AFAP1L1: variants seen among roughly 807,000 people sequenced by gnomAD.
AFAP1L1 encodes the protein actin filament-associated protein 1-like 1.
In AFAP1L1, 77 loss-of-function variants were observed where a neutral mutation model predicts 99.8. The observed-to-expected ratio is 0.77, with a 90% CI of 0.64 to 0.93. The LOEUF (loss-of-function observed/expected upper bound fraction) is 0.93. AFAP1L1 is among the 40% of genes least tolerant of loss of function. The pLI is 0.00. For synonymous variants in AFAP1L1, 373 were observed against 395.3 expected, an observed-to-expected ratio of 0.94 and a Z score of 0.67; for missense variants, 893 against 996.8, an observed-to-expected ratio of 0.90 and a Z score of 1.40.
intron 11 of AFAP1L1, among the ~76,000 whole-genome samples, chr5:149,317,336 T>C (rs1280032662): frequency 6.6e-6 from 1 of 152,204 alleles, no homozygotes; most frequent in African/African-American, 2.4e-5. Flanking sequence ...ATTTTAAGAT[T>C]ATGTGGGTGA....
At chr5:149,283,273 T>G (rs1581290001) in intron 1 of AFAP1L1, among the ~76,000 whole-genome samples, 1 of 152,328 alleles carries the variant, frequency 6.6e-6, no homozygotes, top group South Asian at 2.1e-4. Context: ...TTGCAGGGCC[T>G]CAGGGCTGCC....
intron 5 of AFAP1L1, among the ~76,000 whole-genome samples, chr5:149,303,737 G>A (rs1009389270): frequency 1.3e-5 from 2 of 152,090 alleles, no homozygotes; most frequent in Non-Finnish European, 2.9e-5. Flanking sequence ...GATATGCAAG[G>A]AACTATTAAC....
At position 149,313,600 on chromosome 5, in the gene AFAP1L1, C is replaced by T. The variant is rs559104444; in HGVS notation, c.1020+1396C>T. Among the ~76,000 whole-genome samples, 19 of 152,154 alleles carry T rather than the reference C, an allele frequency of 1.2e-4. No individual in the cohort carries two copies. The East Asian group carries it at 3.7e-3, about 29-fold the overall frequency. ...TCCTGAGCACCTGCTTGACACATAT[C>T]CGGGGCACCCCAGGAACTGTGCTAG... On this transcript the variant is annotated intron_variant, in intron 9 of 18. Coordinates refer to ENST00000296721, the MANE Select transcript of AFAP1L1 (RefSeq NM_152406.4).
intron 1 of AFAP1L1, among the ~76,000 whole-genome samples, chr5:149,284,057 C>A (rs1353529803): frequency 6.6e-6 from 1 of 152,160 alleles, no homozygotes; most frequent in Non-Finnish European, 1.5e-5. Context: ...AGCCAGGAGC[C>A]CTGTAGAGAT....
At chr5:149,330,250 C>T (rs943706261) in intron 16 of AFAP1L1, among the ~76,000 whole-genome samples, 1 of 152,216 alleles carries the variant, frequency 6.6e-6, no homozygotes, top group African/African-American at 2.4e-5. Flanking sequence ...GACACTTTCC[C>T]AGGATCCTCT....
chr5:149,332,702 A>T lies in AFAP1L1; in HGVS notation c.1983A>T (p.Lys661Asn). Residue 661 changes from lysine to asparagine, a missense_variant, in exon 17 of 19, where the codon AAA (lysine) becomes AAT (asparagine). Transcript: ENST00000296721. ...KEAIRSSPGA[K>N]LKALEEAVAT... The stretch of plus-strand genomic sequence containing the variant: ...CAATGTCTCTTGATTCAGGAGCAAA[A>T]TTAAAGGCTCTGGAAGAAGCCGTGG... 6.2e-7 allele frequency: 1 copy of T among 1,609,454 alleles called. No homozygotes were observed. Among genetic ancestry groups the T allele is most frequent in the Non-Finnish European group, 8.5e-7 (1 of 1,178,878 alleles).
At position 149,320,390 on chromosome 5, in the gene AFAP1L1, G is replaced by T. The variant is rs1378829117; in HGVS notation, c.1626-1G>T. The T allele has an allele frequency of 1.2e-6, 2 of 1,614,004 alleles. No homozygotes were observed. Among genetic ancestry groups the T allele is most frequent in the Admixed American group, 1.7e-5 (1 of 60,030 alleles). On this transcript the variant is annotated splice_acceptor_variant, in intron 13 of 18. Transcript: ENST00000296721. LOFTEE classifies it high-confidence loss of function. This position sits in a 1 kb window ranked among gnomAD's most constrained non-coding sequence, Gnocchi z 4.0. ...TTGTCATCGTACATTTTATTTTCTA[G>T]ATATGCAAGATCCTGCCAGAATCAG...
Position 149,302,544 on chromosome 5 carries a change from T to C in AFAP1L1, c.436+18T>C. The C allele has an allele frequency of 6.4e-7, 1 of 1,556,600 alleles. No homozygotes were observed. The highest frequency in any genetic ancestry group is 8.7e-7 in the Non-Finnish European group (1 of 1,148,498). The stretch of plus-strand genomic sequence containing the variant: ...CTCCCACAGTAAGTTCTGGTCCTCT[T>C]GGTGGGGCTGGGGACTTCCTGTCCC... On this transcript the variant is annotated intron_variant, in intron 5 of 18. Coordinates refer to ENST00000296721, the MANE Select transcript of AFAP1L1 (RefSeq NM_152406.4).
At chr5:149,275,786 G>A (rs966286024) in intron 1 of AFAP1L1, among the ~76,000 whole-genome samples, 7 of 152,172 alleles carry the variant, frequency 4.6e-5, no homozygotes, top group Admixed American at 1.3e-4. Flanking sequence ...GATTACAGGC[G>A]TGAGCCACCA....
intron 1 of AFAP1L1, among the ~76,000 whole-genome samples, chr5:149,280,738 C>T (rs1581286770): frequency 6.6e-6 from 1 of 152,118 alleles, no homozygotes; most frequent in Middle Eastern, 3.4e-3. Flanking sequence ...TATCTAACCC[C>T]TTCTATCACC....
intron 1 of AFAP1L1, among the ~76,000 whole-genome samples, chr5:149,282,510 G>A (rs1755551215): frequency 6.6e-6 from 1 of 152,192 alleles, no homozygotes; most frequent in African/African-American, 2.4e-5. Flanking sequence ...CATTAAGGTT[G>A]AAGTATTAGA....
chr5:149,293,578 C>T (rs1434484496), intron 1 of AFAP1L1, among the ~76,000 whole-genome samples: 1 of 152,222 alleles, frequency 6.6e-6, no homozygotes, highest in Non-Finnish European at 1.5e-5. Context: ...TGGACATCTA[C>T]TGTGTACTGA....
intron 1 of AFAP1L1, among the ~76,000 whole-genome samples, chr5:149,292,038 A>G (rs941645742): frequency 3.3e-5 from 5 of 152,212 alleles, no homozygotes; most frequent in South Asian, 4.1e-4. Flanking sequence ...GAGAAGTTGT[A>G]TATTTTCCTA....
chr5:149,316,402 C>A (rs920740726), intron 11 of AFAP1L1, 99 bp downstream of exon 11: 6 of 1,450,898 alleles, frequency 4.1e-6, no homozygotes, highest in Non-Finnish European at 5.6e-6. Context: ...ACCTCACCCC[C>A]AGGGCAGGGG....
intron 15 of AFAP1L1, among the ~76,000 whole-genome samples, chr5:149,328,440 C>T (rs1297689293): frequency 6.6e-6 from 1 of 152,222 alleles, no homozygotes; most frequent in Non-Finnish European, 1.5e-5. Flanking sequence ...TTAACCTCGG[C>T]TCTGCCACCA....
At chr5:149,287,301 A>G (rs1755713543) in intron 1 of AFAP1L1, among the ~76,000 whole-genome samples, 1 of 152,172 alleles carries the variant, frequency 6.6e-6, no homozygotes, top group African/African-American at 2.4e-5. Flanking sequence ...CTAAAACTAT[A>G]TAGAGGGGAA....
In AFAP1L1 at chr5:149,320,149, G is replaced by C. The variant is rs184256762; in HGVS notation, c.1626-242G>C. On this transcript the variant is annotated intron_variant, in intron 13 of 18. Coordinates refer to ENST00000296721, the MANE Select transcript of AFAP1L1 (RefSeq NM_152406.4). The surrounding 1 kb of genome is among the most constrained non-coding windows in gnomAD (Gnocchi z 4.0). ...TTGCCATCTCGGATCTCTGTTTTCT[G>C]ACTCATAGAATGGTGGTGATGAATT... Among the ~76,000 whole-genome samples the C allele has an allele frequency of 6.6e-6, 1 of 152,312 alleles. No homozygotes were observed. The highest frequency in any genetic ancestry group is 1.5e-5 in the Non-Finnish European group (1 of 68,026).
intron 7 of AFAP1L1, among the ~76,000 whole-genome samples, chr5:149,308,471 A>AT (rs1368734153): frequency 1.3e-5 from 2 of 152,112 alleles, no homozygotes; most frequent in South Asian, 2.1e-4. Context: ...TTTAAGAAGG[A>AT]TTTTTTTATA....
intron 1 of AFAP1L1, among the ~76,000 whole-genome samples, chr5:149,296,563 A>G (rs569539677): frequency 9.4e-4 from 142 of 151,038 alleles, no homozygotes; most frequent in Non-Finnish European, 1.7e-3. Flanking sequence ...GTAATTACCT[A>G]TGAGGGAATA....
Sources: allele counts gnomAD v4.1 joint callset (sites outside exome capture counted in the v4.1 genomes callset), GRCh38; gene constraint gnomAD v4.1.1; non-coding constraint Gnocchi (gnomAD v3.1); transcripts MANE v1.5; gene names NCBI Gene and HGNC (gene_info 2026-07-23, HGNC 2026-07-21).